Variants in CEP63 observed in about 807,000 individuals in gnomAD.
CEP63 encodes centrosomal protein of 63 kDa.
Under a neutral mutation model 89.1 loss-of-function variants are expected in CEP63, and 84 were observed. The ratio of observed to expected loss-of-function variants is 0.94; its 90% CI spans 0.79 to 1.13. The LOEUF is 1.13. Ranked by LOEUF, CEP63 falls within the 50% of genes most tolerant of loss-of-function variation. The probability of loss-of-function intolerance (pLI) is 0.00; values close to 1 mark genes in which losing one functional copy is unlikely to be tolerated. For synonymous variants in CEP63, 267 were observed against 272.5 expected, an observed-to-expected ratio of 0.98 and a Z score of 0.20; for missense variants, 838 against 813.3, an observed-to-expected ratio of 1.03 and a Z score of -0.37.
At chr3:134,609,527 T>C in the CEP63 span, among the ~76,000 whole-genome samples, 4 of 152,164 alleles carry the variant, frequency 2.6e-5, no homozygotes, top group Non-Finnish European at 2.9e-5. Flanking sequence ...AGCACACTCA[T>C]GTTTCTGAAT....
the CEP63 span, among the ~76,000 whole-genome samples, chr3:134,736,574 G>A: frequency 2.6e-5 from 4 of 152,118 alleles, no homozygotes; most frequent in Non-Finnish European, 4.4e-5. Context: ...CAACAAAAAT[G>A]TAAGGTATAA....
chr3:134,583,451 T>G lies in CEP63; in HGVS notation c.1207-4007T>G, dbSNP rs370488580. Among the ~76,000 whole-genome samples, 1,081 of 152,258 alleles carry G rather than the reference T, an allele frequency of 7.1e-3. 17 individuals carry two copies. Among genetic ancestry groups the G allele is most frequent in the African/African-American group, 0.024 (995 of 41,552 alleles). The stretch of plus-strand genomic sequence containing the variant: ...TTAAATAGGGAATCCTTTCCCCATT[T>G]CTTGTTTTTTTCAGGTTTGTCAAAG... On this transcript the variant is annotated intron_variant, in intron 10 of 10. Coordinates refer to the CEP63 transcript ENST00000683931.
chr3:134,685,995 GC>G, the CEP63 span, among the ~76,000 whole-genome samples: 6 of 152,168 alleles, frequency 3.9e-5, no homozygotes, highest in African/African-American at 1.4e-4. Flanking sequence ...ACACTGACTT[GC>G]TCCAAGTCAA....
At chr3:134,779,513 T>C in the CEP63 span, among the ~76,000 whole-genome samples, 12 of 152,330 alleles carry the variant, frequency 7.9e-5, no homozygotes, top group South Asian at 2.1e-4. Flanking sequence ...CTAGGTATAG[T>C]GGAGAGTGAC....
At chr3:134,659,945 G>C in the CEP63 span, among the ~76,000 whole-genome samples, 7 of 152,228 alleles carry the variant, frequency 4.6e-5, no homozygotes, top group African/African-American at 1.7e-4. Context: ...TCTAATAGGA[G>C]CCACGGGTAT....
At chr3:134,724,895 A>G in the CEP63 span, among the ~76,000 whole-genome samples, 1 of 152,206 alleles carries the variant, frequency 6.6e-6, no homozygotes, top group South Asian at 2.1e-4. Flanking sequence ...CAATCCCTAA[A>G]TGCACATGAT....
At chr3:134,503,378 C>T (rs1942574256) in intron 2 of CEP63, among the ~76,000 whole-genome samples, 1 of 151,956 alleles carries the variant, frequency 6.6e-6, no homozygotes, top group Non-Finnish European at 1.5e-5. Context: ...GTCTAAGATA[C>T]TTGATATGAT....
the CEP63 span, among the ~76,000 whole-genome samples, chr3:134,733,168 A>G: frequency 1.3e-5 from 2 of 152,120 alleles, no homozygotes; most frequent in African/African-American, 2.4e-5. Flanking sequence ...CACCATCTCT[A>G]TATTCTGAGG....
At chr3:134,678,472 T>C in the CEP63 span, among the ~76,000 whole-genome samples, 1 of 152,224 alleles carries the variant, frequency 6.6e-6, no homozygotes, top group East Asian at 1.9e-4. Context: ...TGCATGTTCC[T>C]GGTGCCTAGT....
the CEP63 span, among the ~76,000 whole-genome samples, chr3:134,657,957 C>T: frequency 7.9e-3 from 1,199 of 152,178 alleles, 13 homozygotes; most frequent in African/African-American, 0.027. Context: ...AGTGCAGTGG[C>T]GCGATCTTGG....
At chr3:134,542,139 G>T (rs1952170736) in intron 6 of CEP63, among the ~76,000 whole-genome samples, 1 of 152,054 alleles carries the variant, frequency 6.6e-6, no homozygotes, top group Admixed American at 6.5e-5. Context: ...AAAAGTAGAG[G>T]TTGCTCTATG....
chr3:134,499,820 C>CTTTTT lies in CEP63; in HGVS notation c.44+4473_44+4477dup, dbSNP rs747946881. On this transcript the variant is annotated intron_variant, in intron 2 of 14. Coordinates refer to ENST00000675561, the MANE Select transcript of CEP63 (RefSeq NM_001353108.3). ...CAGTGTCTGTTGTTCCCATCTTCAT[C>CTTTTT]TTTTTTTTTTTTTTTTTTTTTGAGA... Among the ~76,000 whole-genome samples, 503 of 99,064 alleles carry CTTTTT rather than the reference C, an allele frequency of 5.1e-3. 5 individuals carry two copies. Among genetic ancestry groups the CTTTTT allele is most frequent in the Non-Finnish European group, 6.8e-3 (362 of 53,432 alleles). The allele number at this position is 99,064 out of a possible 152,430, so 65.0% of individuals were successfully genotyped here.
At chr3:134,517,922 G>A (rs377639831) in intron 3 of CEP63, among the ~76,000 whole-genome samples, 2 of 152,136 alleles carry the variant, frequency 1.3e-5, no homozygotes, top group African/African-American at 2.4e-5. Context: ...TTTGAAGAAT[G>A]TAAAAAGAAG....
At chr3:134,660,777 G>T in the CEP63 span, among the ~76,000 whole-genome samples, 2 of 152,192 alleles carry the variant, frequency 1.3e-5, no homozygotes, top group South Asian at 4.1e-4. Flanking sequence ...GAAATTGGCA[G>T]ATTTCCAATC....
At chr3:134,688,836 C>T in the CEP63 span, among the ~76,000 whole-genome samples, 3 of 152,240 alleles carry the variant, frequency 2.0e-5, no homozygotes, top group Admixed American at 2.0e-4. Context: ...TGGATGCTCT[C>T]CTCTGCAGCT....
At chr3:134,719,631 T>G in the CEP63 span, among the ~76,000 whole-genome samples, 1 of 152,194 alleles carries the variant, frequency 6.6e-6, no homozygotes, top group African/African-American at 2.4e-5. Context: ...TTTGCATTTC[T>G]CTCCTAACCC....
chr3:134,623,354 A>G, the CEP63 span, among the ~76,000 whole-genome samples: 1 of 152,104 alleles, frequency 6.6e-6, no homozygotes, highest in Non-Finnish European at 1.5e-5. Flanking sequence ...ATTCACAGGT[A>G]ATGGCCTGGC....
chr3:134,648,622 G>A, the CEP63 span, among the ~76,000 whole-genome samples: 1 of 152,164 alleles, frequency 6.6e-6, no homozygotes, highest in Admixed American at 6.5e-5. Context: ...TTACAGAAAT[G>A]GGAGAGAACA....
downstream of CEP63, among the ~76,000 whole-genome samples, chr3:134,578,180 C>G (rs557156081): frequency 6.6e-6 from 1 of 152,196 alleles, no homozygotes; most frequent in African/African-American, 2.4e-5. Context: ...GTTCTAGATC[C>G]TTGAGGAATC....
Sources: gnomAD v4.1 joint callset for allele counts (sites outside exome capture counted in the v4.1 genomes callset) on GRCh38, gnomAD v4.1.1 for gene constraint, MANE v1.5 for transcripts, NCBI Gene and HGNC (gene_info 2026-07-23, HGNC 2026-07-21) for gene names.